CA13: variants seen among roughly 807,000 people sequenced by gnomAD.
CA13 encodes the protein carbonic anhydrase 13.
Under a neutral mutation model 31.5 loss-of-function variants are expected in CA13, and 21 were observed. The ratio of observed to expected loss-of-function variants is 0.67; its 90% CI spans 0.47 to 0.96. The LOEUF (loss-of-function observed/expected upper bound fraction) is 0.96, where lower values mean the gene tolerates loss of function less well. CA13 is among the 40% of genes least tolerant of loss of function. CA13 has a pLI of 0.00. For missense variants in CA13, 315 were observed against 318.9 expected (o/e 0.99, Z 0.09); for synonymous variants, 117 against 111.4 (o/e 1.05, Z -0.32).
chr8:85,282,769 TACAA>T lies in CA13; in HGVS notation c.*1424_*1427del, dbSNP rs1283702300. The T allele has an allele frequency of 1.3e-5, 2 of 152,200 alleles. No homozygotes were observed. The highest frequency in any genetic ancestry group is 4.8e-5 in the African/African-American group (2 of 41,446). The allele number at this position is 152,200 out of a possible 1,614,324, so 9.4% of individuals were successfully genotyped here. On this transcript the variant is annotated 3_prime_UTR_variant, in exon 7 of 7. Transcript: ENST00000321764. ...GTGGTGTTTCTTTTGCCCTTTCTGG[TACAA>T]ACAGAGGGACACTAAGCATTAACTT...
chr8:85,252,184 G>T (rs2129950466), intron 2 of CA13, among the ~76,000 whole-genome samples: 1 of 152,252 alleles, frequency 6.6e-6, no homozygotes, highest in East Asian at 1.9e-4. Flanking sequence ...TTGACTTCAG[G>T]AGGTCAAGGC....
At chr8:85,278,301 G>A (rs371374943) in intron 6 of CA13, among the ~76,000 whole-genome samples, 8 of 151,414 alleles carry the variant, frequency 5.3e-5, no homozygotes, top group East Asian at 1.9e-4. Context: ...GAATCCTTGG[G>A]CCTTATTAGA....
chr8:85,270,047 G>C (rs1467206246), intron 6 of CA13, among the ~76,000 whole-genome samples: 1 of 152,204 alleles, frequency 6.6e-6, no homozygotes, highest in Non-Finnish European at 1.5e-5. Context: ...TTAATGTTCA[G>C]AAACTGTGCT....
At chr8:85,259,868 A>G (rs888219347) in intron 3 of CA13, among the ~76,000 whole-genome samples, 1 of 152,202 alleles carries the variant, frequency 6.6e-6, no homozygotes, top group Non-Finnish European at 1.5e-5. Context: ...TCAAATTACA[A>G]ATTGTTTCTA....
intron 6 of CA13, among the ~76,000 whole-genome samples, chr8:85,280,400 G>A (rs1020259101): frequency 6.6e-6 from 1 of 152,158 alleles, no homozygotes; most frequent in African/African-American, 2.4e-5. Context: ...TTCTTATAAA[G>A]GACCTCTCTC....
chr8:85,252,007 C>T (rs1297526214), intron 2 of CA13, among the ~76,000 whole-genome samples: 1 of 152,088 alleles, frequency 6.6e-6, no homozygotes, highest in Non-Finnish European at 1.5e-5. Flanking sequence ...TGTATAATCC[C>T]AGCACTTTGG....
intron 3 of CA13, 104 bp downstream of exon 3, chr8:85,259,643 G>A: frequency 1.2e-6 from 1 of 860,058 alleles, no homozygotes; most frequent in Non-Finnish European, 1.9e-6. Context: ...GAGCCAATTA[G>A]GTATCTTAGT....
chr8:85,280,911 T>C (rs1807693950), intron 6 of CA13, among the ~76,000 whole-genome samples: 1 of 152,200 alleles, frequency 6.6e-6, no homozygotes, highest in Non-Finnish European at 1.5e-5. Context: ...TATGTGTGTT[T>C]ATAGATTGAA....
At position 85,250,633 on chromosome 8, in the gene CA13, A is replaced by G. The variant is rs943458880; in HGVS notation, c.38-107A>G. 1.3e-5 allele frequency: 9 copies of G among 687,342 alleles called. No homozygotes were observed. In the African/African-American group the frequency reaches 1.5e-4, roughly 11 times the overall value. The allele number at this position is 687,342 out of a possible 1,614,324, so 42.6% of individuals were successfully genotyped here. On this transcript the variant is annotated intron_variant, in intron 1 of 6. Transcript: ENST00000321764. Reference sequence around the variant, plus strand: ...CTGAGGACGAGAATCTCATTTTATTAATCTTTGCGTTTTCTTCAATTTCAA... The same window carrying G: ...CTGAGGACGAGAATCTCATTTTATTGATCTTTGCGTTTTCTTCAATTTCAA...
At chr8:85,281,164 G>T in intron 6 of CA13, 66 bp from the exon 7 acceptor site, 3 of 1,562,358 alleles carry the variant, frequency 1.9e-6, no homozygotes, top group East Asian at 2.3e-5. Context: ...TCTTCTTTAT[G>T]CAGGGTAATT....
In CA13 at chr8:85,245,551, T is replaced by G. The variant is rs990670707; in HGVS notation, c.-278T>G. 16 of 470,254 alleles carry G rather than the reference T, an allele frequency of 3.4e-5. No individual in the cohort carries two copies. Among genetic ancestry groups the G allele is most frequent in the Non-Finnish European group, 6.0e-5 (16 of 264,970 alleles). The allele number at this position is 470,254 out of a possible 1,614,324, so 29.1% of individuals were successfully genotyped here. A position where few individuals can be genotyped will look rare whatever the true frequency, so the allele number is the denominator to read the frequency against. On this transcript the variant is annotated 5_prime_UTR_variant, in exon 1 of 7. Transcript: ENST00000321764. ...GATCCCCCCCGGAAACCTTTCTCTCTCCGTCTCTCCCTCTAACTCAAATCT... is the reference window on the plus strand; with the variant it reads ...GATCCCCCCCGGAAACCTTTCTCTCGCCGTCTCTCCCTCTAACTCAAATCT...
At chr8:85,276,836 C>T (rs953429120) in intron 6 of CA13, among the ~76,000 whole-genome samples, 16 of 151,868 alleles carry the variant, frequency 1.1e-4, no homozygotes, top group Non-Finnish European at 1.3e-4. Context: ...CTTGGAGAAC[C>T]TTTATGTCTA....
At chr8:85,278,319 A>G (rs1807648004) in intron 6 of CA13, among the ~76,000 whole-genome samples, 1 of 151,796 alleles carries the variant, frequency 6.6e-6, no homozygotes, top group South Asian at 2.1e-4. Context: ...AGAAATTCCA[A>G]TTCACAAGTT....
At chr8:85,267,790 C>G in intron 4 of CA13, 112 bp from the exon 5 acceptor site, 1 of 616,820 alleles carries the variant, frequency 1.6e-6, no homozygotes, top group Non-Finnish European at 2.8e-6. Flanking sequence ...ACTGTATGTT[C>G]TGTGCTGGCT....
At chr8:85,277,168 C>A (rs115861252) in intron 6 of CA13, among the ~76,000 whole-genome samples, 1 of 152,156 alleles carries the variant, frequency 6.6e-6, no homozygotes, top group African/African-American at 2.4e-5. Context: ...TCTTCCACAC[C>A]GTGGAAGCTC....
rs568546077 is a variant in CA13, at chr8:85,281,559, C to T, written c.*210C>T. ...ATAGAGTCTCACTCTGTCACCCAGG[C>T]TGGAGGGCAGTGGTACAGTCTTGGC... On this transcript the variant is annotated 3_prime_UTR_variant, in exon 7 of 7. Transcript: ENST00000321764. The T allele has an allele frequency of 1.0e-5, 12 of 1,197,396 alleles. No homozygotes were observed. The highest frequency in any genetic ancestry group is 1.3e-5 in the Non-Finnish European group (12 of 941,266). 74.2% of individuals were successfully genotyped at this position (1,197,396 alleles called of 1,614,324 possible).
chr8:85,258,518 G>A (rs1479144848), intron 2 of CA13, among the ~76,000 whole-genome samples: 1 of 152,048 alleles, frequency 6.6e-6, no homozygotes, highest in Non-Finnish European at 1.5e-5. Flanking sequence ...TGTGTTGATT[G>A]TGTTGACTGT....
chr8:85,246,208 A>C (rs1433308563), intron 1 of CA13: 2 of 479,902 alleles, frequency 4.2e-6, no homozygotes, highest in Admixed American at 2.8e-5. Context: ...TGGAGATCAG[A>C]AGTCTGATGA....
rs751783412 is a variant in CA13 at position 85,268,563 on chromosome 8, C to CGTGG, written c.605_606insGTGG (p.Pro203TrpfsTer5). On this transcript the variant is annotated frameshift_variant, in exon 6 of 7. Coordinates refer to ENST00000321764, the MANE Select transcript of CA13 (RefSeq NM_198584.3). LOFTEE classifies it high-confidence loss of function. ...ACATATCCTGGTTCTCTTACAGTTC[C>CGTGG]ACCTCTTCTTGAGAGTGTCACATGG... 1 of 1,613,888 alleles carries CGTGG rather than the reference C, an allele frequency of 6.2e-7. No homozygotes were observed. The highest frequency in any genetic ancestry group is 2.2e-5 in the East Asian group (1 of 44,868).
Sources: gnomAD v4.1 joint callset for allele counts (sites outside exome capture counted in the v4.1 genomes callset) on GRCh38, gnomAD v4.1.1 for gene constraint, MANE v1.5 for transcripts, NCBI Gene and HGNC (gene_info 2026-07-23, HGNC 2026-07-21) for gene names.